Variants in SH3TC1 observed in about 807,000 individuals in gnomAD.
The protein encoded by SH3TC1 is SH3 domain and tetratricopeptide repeats 1, also known as SH3 domain and tetratricopeptide repeat-containing protein 1.
Under a neutral mutation model 117.3 loss-of-function variants are expected in SH3TC1, and 135 were observed. The ratio of observed to expected loss-of-function variants is 1.15; its 90% CI spans 1.00 to 1.33. The LOEUF (loss-of-function observed/expected upper bound fraction) is 1.33. Among genes scored for constraint, SH3TC1 ranks in the 40% most tolerant of loss-of-function variants. The pLI, the probability that SH3TC1 is intolerant of heterozygous loss-of-function variation, is 0.00. For missense variants in SH3TC1, 2,092 were observed against 1,794.3 expected, an observed-to-expected ratio of 1.17 and a Z score of -3.00; for synonymous variants, 898 against 816.9, an observed-to-expected ratio of 1.10 and a Z score of -1.69.
In SH3TC1 at chr4:8,228,573, G is replaced by A. The variant is rs750352908; in HGVS notation, c.2879G>A (p.Gly960Asp). Residue 960 changes from glycine (G) to aspartate (D), a missense_variant, in exon 12 of 18, where the codon GGC becomes GAC. By Grantham distance (94) the Gly-to-Asp change is moderately conservative (BLOSUM62 -1). Transcript: ENST00000245105. ...LQLGHLCTRQ[G>D]PAQQGKGYYE... ...CTGGGCCATCTCTGCACCCGCCAGG[G>A]CCCGGCCCAGCAGGGCAAGGGCTAC... The A allele has an allele frequency of 5.6e-6, 9 of 1,595,226 alleles. No individual in the cohort carries two copies. In the Admixed American group the frequency reaches 8.6e-5, roughly 15 times the overall value.
chr4:8,227,981 G>T lies in SH3TC1; in HGVS notation c.2287G>T (p.Ala763Ser). The T allele has an allele frequency of 6.2e-7, 1 of 1,612,404 alleles. No individual in the cohort carries two copies. Among genetic ancestry groups the T allele is most frequent in the Non-Finnish European group, 8.5e-7 (1 of 1,179,780 alleles). ...CGCCCCCCAGCCCCACAGCCTCCCTGCCCAAACTTCCCACTACCTCAGGCA... is the reference window on the plus strand; with the variant it reads ...CGCCCCCCAGCCCCACAGCCTCCCTTCCCAAACTTCCCACTACCTCAGGCA... ...QNAPQPHSLP[A>S]QTSHYLRQAL... Residue 763 changes from alanine to serine, a missense_variant, in exon 12 of 18, where the codon GCC becomes TCC. Transcript: ENST00000245105.
At position 8,237,669 on chromosome 4, in the gene SH3TC1, AGGTG is replaced by A; in HGVS notation, c.3753+6_3753+9del. The A allele has an allele frequency of 6.9e-7, 1 of 1,443,034 alleles. No homozygotes were observed. The highest frequency in any genetic ancestry group is 9.5e-7 in the Non-Finnish European group (1 of 1,052,394). 89.4% of individuals were successfully genotyped at this position (1,443,034 alleles called of 1,614,324 possible). The stretch of plus-strand genomic sequence containing the variant: ...GGTGACATCATCTTCTACGACCTGA[AGGTG>A]GGTGGGGAGGGGCTGGGCTCAGGGT... On this transcript the variant is annotated splice_donor_variant and splice_donor_region_variant and coding_sequence_variant and intron_variant, in exon 17 of 18. Transcript: ENST00000245105. LOFTEE classifies it high-confidence loss of function.
At chr4:8,218,987 G>T (rs539797916) in intron 8 of SH3TC1, among the ~76,000 whole-genome samples, 1 of 152,150 alleles carries the variant, frequency 6.6e-6, no homozygotes, top group Admixed American at 6.5e-5. Flanking sequence ...CTGTCAGGGG[G>T]ACTAAAGCCC....
At chr4:8,191,143 C>T (rs1717404673) in intron 1 of SH3TC1, among the ~76,000 whole-genome samples, 1 of 152,170 alleles carries the variant, frequency 6.6e-6, no homozygotes, top group Admixed American at 6.5e-5. Context: ...CCTCACCACC[C>T]CCAGATGAGG....
In SH3TC1 at chr4:8,205,834, G is replaced by C. The variant is rs1241030879; in HGVS notation, c.172+468G>C. On this transcript the variant is annotated intron_variant, in intron 2 of 17. Transcript: ENST00000245105. This position sits in a 1 kb window ranked among gnomAD's most constrained non-coding sequence, Gnocchi z 5.4. ...GTGTGCCCAGTTTCCTGAATTCCCG[G>C]GAGACCTGAAGAGTGACCTAGGTGA... 1.7e-5 allele frequency: 10 copies of C among 596,354 alleles called. No homozygotes were observed. The highest frequency in any genetic ancestry group is 2.7e-5 in the Non-Finnish European group (9 of 334,286). 36.9% of individuals were successfully genotyped at this position (596,354 alleles called of 1,614,324 possible). A position where few individuals can be genotyped will look rare whatever the true frequency, so the allele number is the denominator to read the frequency against.
chr4:8,236,473 A>C, intron 16 of SH3TC1, 45 bp downstream of exon 16: 1 of 1,423,380 alleles, frequency 7.0e-7, no homozygotes, highest in Non-Finnish European at 9.2e-7. Context: ...ACACTTTGCC[A>C]GAGCTCAGCC....
intron 12 of SH3TC1, 97 bp downstream of exon 12, chr4:8,228,741 C>A: frequency 9.4e-7 from 1 of 1,066,022 alleles, no homozygotes; most frequent in Non-Finnish European, 1.3e-6. Flanking sequence ...GTTTTTCCAC[C>A]ATCGAAAGTG....
At chr4:8,188,134 A>G (rs960717359) in intron 1 of SH3TC1, among the ~76,000 whole-genome samples, 8 of 152,208 alleles carry the variant, frequency 5.3e-5, no homozygotes, top group African/African-American at 1.9e-4. Flanking sequence ...GCTGGCGCAG[A>G]GCCCCTCCTC....
At position 8,207,866 on chromosome 4, in the gene SH3TC1, G is replaced by A. The variant is rs368399873; in HGVS notation, c.173-1882G>A. Among the ~76,000 whole-genome samples, 76 of 152,286 alleles carry A rather than the reference G, an allele frequency of 5.0e-4. No individual in the cohort carries two copies. In the South Asian group the frequency reaches 0.015, roughly 30 times the overall value. On this transcript the variant is annotated intron_variant, in intron 2 of 17. Coordinates refer to ENST00000245105, the MANE Select transcript of SH3TC1 (RefSeq NM_018986.5). ...AGGGAGCCCTGGCTTTTCAACTGGA[G>A]GATGGTGTTTAGAAGCTGTTGGGCC...
At chr4:8,211,612 C>A (rs1267053216) in intron 3 of SH3TC1, among the ~76,000 whole-genome samples, 2 of 150,766 alleles carry the variant, frequency 1.3e-5, no homozygotes, top group East Asian at 4.0e-4. Context: ...AATGCCACTG[C>A]CTAGAGATCT....
At chr4:8,236,055 G>A (rs570401486) in intron 15 of SH3TC1, 1 of 551,766 alleles carries the variant, frequency 1.8e-6, no homozygotes, top group African/African-American at 2.0e-5. Flanking sequence ...CCAGGCGGGA[G>A]GGGCTGGTTT....
intron 1 of SH3TC1, among the ~76,000 whole-genome samples, chr4:8,188,129 C>T (rs1307760117): frequency 3.3e-5 from 5 of 152,232 alleles, no homozygotes; most frequent in Admixed American, 6.5e-5. Context: ...TGGAGGCTGG[C>T]GCAGAGCCCC....
intron 12 of SH3TC1, 151 bp downstream of exon 12, chr4:8,228,795 C>A: frequency 1.5e-6 from 1 of 679,856 alleles, no homozygotes; most frequent in Non-Finnish European, 2.3e-6. Context: ...GCCCTGGAGA[C>A]AGGCAGTTCC....
chr4:8,205,318 AG>A lies in SH3TC1; in HGVS notation c.125del (p.Ser42ThrfsTer14), dbSNP rs1718110908. ...GACTGTGGTCATGAGGCCCTCTGTG[AG>A]CTGGGAGAAAGCGGGGCCCGAGGAG... ...VRTVVMRPSV[S>X]WEKAGPEEAK... On this transcript the variant is annotated frameshift_variant, in exon 2 of 18. Coordinates refer to ENST00000245105, the MANE Select transcript of SH3TC1 (RefSeq NM_018986.5). LOFTEE classifies it high-confidence loss of function. This position sits in a 1 kb window ranked among gnomAD's most constrained non-coding sequence, Gnocchi z 5.4. 1.2e-5 allele frequency: 19 copies of A among 1,550,082 alleles called. No individual in the cohort carries two copies. Among genetic ancestry groups the A allele is most frequent in the African/African-American group, 1.4e-5 (1 of 73,006 alleles).
In SH3TC1 at chr4:8,205,422, ACCCG is replaced by A. The variant is rs976311228; in HGVS notation, c.172+60_172+63del. 1 of 1,202,788 alleles carries A rather than the reference ACCCG, an allele frequency of 8.3e-7. No individual in the cohort carries two copies. The highest frequency in any genetic ancestry group is 1.0e-6 in the Non-Finnish European group (1 of 963,170). 74.5% of individuals were successfully genotyped at this position (1,202,788 alleles called of 1,614,324 possible). On this transcript the variant is annotated intron_variant, in intron 2 of 17. Coordinates refer to ENST00000245105, the MANE Select transcript of SH3TC1 (RefSeq NM_018986.5). This position sits in a 1 kb window ranked among gnomAD's most constrained non-coding sequence, Gnocchi z 5.4. ...TCCATCCCACCCACTTCTCCACCCCACCCGCCCCGTCCATCCATCCCTCACCACC... is the reference window on the plus strand; with the variant it reads ...TCCATCCCACCCACTTCTCCACCCCACCCCGTCCATCCATCCCTCACCACC...
intron 15 of SH3TC1, 120 bp from the exon 16 acceptor site, chr4:8,236,158 G>A (rs941669142): frequency 7.9e-7 from 1 of 1,264,512 alleles, no homozygotes; most frequent in Non-Finnish European, 1.1e-6. Flanking sequence ...GCACACAGCT[G>A]TGTCGAGGCC....
chr4:8,235,641 C>A, intron 15 of SH3TC1, 86 bp downstream of exon 15: 1 of 1,445,736 alleles, frequency 6.9e-7, no homozygotes, highest in South Asian at 1.6e-5. Flanking sequence ...GCAGAGCCCT[C>A]GCACCTGGAG....
At position 8,190,168 on chromosome 4, in the gene SH3TC1, G is replaced by T. The variant is rs1174386591; in HGVS notation, c.-57+7958G>T. Reference sequence around the variant, plus strand: ...CGTGACATCTGGCCCAGTCCAGGTGGGTAGCAGGGAGTCTGCAGGAATCCC... The same window carrying T: ...CGTGACATCTGGCCCAGTCCAGGTGTGTAGCAGGGAGTCTGCAGGAATCCC... On this transcript the variant is annotated intron_variant, in intron 1 of 16. Transcript: ENST00000508641. The surrounding 1 kb of genome is among the most constrained non-coding windows in gnomAD (Gnocchi z 4.7). Among the ~76,000 whole-genome samples the T allele has an allele frequency of 6.6e-6, 1 of 152,210 alleles. No homozygotes were observed. The highest frequency in any genetic ancestry group is 1.5e-5 in the Non-Finnish European group (1 of 68,026).
chr4:8,210,151 C>T lies in SH3TC1; in HGVS notation c.247+329C>T, dbSNP rs905551799. On this transcript the variant is annotated intron_variant, in intron 3 of 17. Coordinates refer to ENST00000245105, the MANE Select transcript of SH3TC1 (RefSeq NM_018986.5). The surrounding 1 kb of genome is among the most constrained non-coding windows in gnomAD (Gnocchi z 4.1). ...AAGAGGTAGACGAAAGTACCCACTG[C>T]GTCGTGGGGTGAGGTGTCCAGGCAC... Among the ~76,000 whole-genome samples, 24 of 152,256 alleles carry T rather than the reference C, an allele frequency of 1.6e-4. No homozygotes were observed. Among genetic ancestry groups the T allele is most frequent in the Admixed American group, 1.5e-3 (23 of 15,296 alleles).
Sources: allele counts gnomAD v4.1 joint callset (sites outside exome capture counted in the v4.1 genomes callset), GRCh38; gene constraint gnomAD v4.1.1; non-coding constraint Gnocchi (gnomAD v3.1); transcripts MANE v1.5; gene names NCBI Gene and HGNC (gene_info 2026-07-23, HGNC 2026-07-21).